The following GRM4 variants were observed in gnomAD, a reference collection of about 807,000 sequenced individuals.
GRM4 encodes the protein glutamate metabotropic receptor 4.
In GRM4, 28 loss-of-function variants were observed where a neutral mutation model predicts 81.7. The ratio of observed to expected loss-of-function variants is 0.34; its 90% CI spans 0.25 to 0.47. The LOEUF (loss-of-function observed/expected upper bound fraction) is 0.47, where lower values mean the gene tolerates loss of function less well. Among genes scored for constraint, GRM4 ranks in the 20% least tolerant of loss-of-function variants. GRM4 has a pLI of 1.00. For synonymous variants in GRM4, 488 were observed against 528.8 expected (o/e 0.92, Z 1.06); for missense variants, 948 against 1,290.0 (o/e 0.73, Z 4.06).
chr6:34,036,984 C>T lies in GRM4; in HGVS notation c.1507-381G>A, dbSNP rs1021596517. 2.6e-5 allele frequency among the ~76,000 whole-genome samples: 4 copies of T among 152,314 alleles called. No individual in the cohort carries two copies. The highest frequency in any genetic ancestry group is 3.4e-3 in the Middle Eastern group (1 of 294). ...TTGCTGCTCACAGTGGTCCCCAGGGCGGCAGCAGCAGCCTCACCCAGGAGC... is the reference window on the plus strand; with the variant it reads ...TTGCTGCTCACAGTGGTCCCCAGGGTGGCAGCAGCAGCCTCACCCAGGAGC... On this transcript the variant is annotated intron_variant, in intron 8 of 10. Coordinates refer to ENST00000538487, the MANE Select transcript of GRM4 (RefSeq NM_000841.4). The surrounding 1 kb of genome is among the most constrained non-coding windows in gnomAD (Gnocchi z 9.0).
chr6:34,074,414 G>C lies in GRM4; in HGVS notation c.737-12386C>G, dbSNP rs1767202397. Among the ~76,000 whole-genome samples, 1 of 152,216 alleles carries C rather than the reference G, an allele frequency of 6.6e-6. No homozygotes were observed. ...GGGTGTGGAGGAGGATGCAGGCCTT[G>C]GAGGACCTGCCAGGGCAGCTGTGAG... is the stretch of plus-strand genomic sequence containing the variant. On this transcript the variant is annotated intron_variant, in intron 3 of 10. Coordinates refer to ENST00000538487, the MANE Select transcript of GRM4 (RefSeq NM_000841.4). This position sits in a 1 kb window ranked among gnomAD's most constrained non-coding sequence, Gnocchi z 4.9.
intron 2 of GRM4, among the ~76,000 whole-genome samples, chr6:34,117,781 C>A (rs1769655351): frequency 6.6e-6 from 1 of 152,198 alleles, no homozygotes; most frequent in South Asian, 2.1e-4. Context: ...GGGCCTCCCA[C>A]CTCCTGCTCC....
intron 2 of GRM4, among the ~76,000 whole-genome samples, chr6:34,103,084 C>T (rs1768925178): frequency 6.6e-6 from 1 of 152,214 alleles, no homozygotes; most frequent in Non-Finnish European, 1.5e-5. Context: ...CCCTGTCCCC[C>T]ACTGACACCC....
chr6:34,047,925 C>T lies in GRM4; in HGVS notation c.1169-7177G>A, dbSNP rs1185367842. Reference sequence around the variant, plus strand: ...GCCACAGGCTCCTTTTGAAGGAAACCATTCTTGCAAACCCTCAAGAATATG... The same window carrying T: ...GCCACAGGCTCCTTTTGAAGGAAACTATTCTTGCAAACCCTCAAGAATATG... On this transcript the variant is annotated intron_variant, in intron 6 of 10. Coordinates refer to ENST00000538487, the MANE Select transcript of GRM4 (RefSeq NM_000841.4). The surrounding 1 kb of genome is among the most constrained non-coding windows in gnomAD (Gnocchi z 4.5). Among the ~76,000 whole-genome samples, 1 of 152,162 alleles carries T rather than the reference C, an allele frequency of 6.6e-6. No homozygotes were observed. The highest frequency in any genetic ancestry group is 6.5e-5 in the Admixed American group (1 of 15,276).
Position 34,069,958 on chromosome 6 carries a change from G to C in GRM4, c.737-7930C>G, listed in dbSNP as rs530805392. ...GGGTCTTTCTGCCTGGGGCCTTACA[G>C]AGCCCAGGACACGTGCGGGGCCTGC... On this transcript the variant is annotated intron_variant, in intron 3 of 10. Coordinates refer to ENST00000538487, the MANE Select transcript of GRM4 (RefSeq NM_000841.4). This position sits in a 1 kb window ranked among gnomAD's most constrained non-coding sequence, Gnocchi z 6.4. Among the ~76,000 whole-genome samples the C allele has an allele frequency of 6.6e-6, 1 of 152,288 alleles. No homozygotes were observed. The highest frequency in any genetic ancestry group is 2.1e-4 in the South Asian group (1 of 4,826).
At chr6:34,105,151 A>T (rs1769057952) in intron 2 of GRM4, among the ~76,000 whole-genome samples, 1 of 152,180 alleles carries the variant, frequency 6.6e-6, no homozygotes, top group African/African-American at 2.4e-5. Context: ...TATTACCATT[A>T]TTGAACACAT....
intron 2 of GRM4, among the ~76,000 whole-genome samples, chr6:34,113,392 T>C (rs1769466541): frequency 6.6e-6 from 1 of 152,220 alleles, no homozygotes; most frequent in Admixed American, 6.5e-5. Context: ...GCTCAAGTGA[T>C]TCTCCCACCT....
rs1199001956 is a variant in GRM4 at position 34,048,235 on chromosome 6, C to G, written c.1169-7487G>C. Among the ~76,000 whole-genome samples, 2 of 152,222 alleles carry G rather than the reference C, an allele frequency of 1.3e-5. No individual in the cohort carries two copies. Among genetic ancestry groups the G allele is most frequent in the Non-Finnish European group, 2.9e-5 (2 of 68,044 alleles). On this transcript the variant is annotated intron_variant, in intron 6 of 10. Coordinates refer to ENST00000538487, the MANE Select transcript of GRM4 (RefSeq NM_000841.4). This position sits in a 1 kb window ranked among gnomAD's most constrained non-coding sequence, Gnocchi z 4.0. ...GTGGGGCCAGCTGGAAACCCCCACT[C>G]AGCCCCTTGCTGGGCCTGGCAAGTC...
chr6:34,070,413 G>A lies in GRM4; in HGVS notation c.737-8385C>T, dbSNP rs952772638. Among the ~76,000 whole-genome samples the A allele has an allele frequency of 1.3e-5, 2 of 152,204 alleles. No individual in the cohort carries two copies. Among genetic ancestry groups the A allele is most frequent in the East Asian group, 3.9e-4 (2 of 5,160 alleles). On this transcript the variant is annotated intron_variant, in intron 3 of 10. Coordinates refer to ENST00000538487, the MANE Select transcript of GRM4 (RefSeq NM_000841.4). This position sits in a 1 kb window ranked among gnomAD's most constrained non-coding sequence, Gnocchi z 4.6. ...GCAAAGGATGAGCAAGTGAAGAAAG[G>A]TGCATGCTGGCTGTGCAAAGGCACC...
rs1282368841 is a variant in GRM4 at position 34,042,431 on chromosome 6, AGGACAT to A, written c.1169-1689_1169-1684del. On this transcript the variant is annotated intron_variant, in intron 6 of 10. Transcript: ENST00000538487. This position sits in a 1 kb window ranked among gnomAD's most constrained non-coding sequence, Gnocchi z 4.2. Reference sequence around the variant, plus strand: ...GGGAGGGGACCAGGGATCTGAAGTGAGGACATGGCAGGAGGATGGCTGGGAGGAGGA... The same window carrying A: ...GGGAGGGGACCAGGGATCTGAAGTGAGGCAGGAGGATGGCTGGGAGGAGGA... Among the ~76,000 whole-genome samples, 1 of 152,196 alleles carries A rather than the reference AGGACAT, an allele frequency of 6.6e-6. No individual in the cohort carries two copies. Among genetic ancestry groups the A allele is most frequent in the African/African-American group, 2.4e-5 (1 of 41,448 alleles).
intron 3 of GRM4, among the ~76,000 whole-genome samples, chr6:34,072,969 CACACAGATACATA>C (rs1767046101): frequency 7.4e-6 from 1 of 134,946 alleles, no homozygotes. Flanking sequence ...CATGCATCAC[CACACAGATACATA>C]CCACACACAC....
chr6:34,139,250 AAAC>A (rs1770584204), intron 1 of GRM4, among the ~76,000 whole-genome samples: 1 of 152,222 alleles, frequency 6.6e-6, no homozygotes, highest in African/African-American at 2.4e-5. Context: ...TGTTCTGCCA[AAAC>A]AACAGGGCCC....
chr6:34,072,569 A>AAC (rs1173329415), intron 3 of GRM4, among the ~76,000 whole-genome samples: 1 of 152,098 alleles, frequency 6.6e-6, no homozygotes, highest in Admixed American at 6.5e-5. Flanking sequence ...ACAGATACAC[A>AAC]ACACACACAC....
chr6:34,072,368 A>G (rs998132463), intron 3 of GRM4, among the ~76,000 whole-genome samples: 1 of 145,130 alleles, frequency 6.9e-6, no homozygotes, highest in Admixed American at 6.9e-5. Flanking sequence ...ACATCCTTAC[A>G]TCACCACACA....
rs1035877783 is a variant in GRM4, at chr6:34,089,833, C to T, written c.736+2050G>A. Among the ~76,000 whole-genome samples, 7 of 152,136 alleles carry T rather than the reference C, an allele frequency of 4.6e-5. No homozygotes were observed. The highest frequency in any genetic ancestry group is 1.0e-4 in the Non-Finnish European group (7 of 68,022). On this transcript the variant is annotated intron_variant, in intron 3 of 10. Coordinates refer to ENST00000538487, the MANE Select transcript of GRM4 (RefSeq NM_000841.4). The surrounding 1 kb of genome is among the most constrained non-coding windows in gnomAD (Gnocchi z 4.3). ...CCCCCATCCCATGCCTCTCCTGTCC[C>T]TCCAGGCTGTGTGTACATGGGTGTG... is the stretch of plus-strand genomic sequence containing the variant.
At chr6:34,127,041 T>C (rs1182101101) in intron 2 of GRM4, among the ~76,000 whole-genome samples, 1 of 152,218 alleles carries the variant, frequency 6.6e-6, no homozygotes, top group African/African-American at 2.4e-5. Context: ...TTGTATTTTG[T>C]TTTTCAACCC....
In GRM4 at chr6:34,022,536, C is replaced by T; in HGVS notation, c.*285G>A. On this transcript the variant is annotated 3_prime_UTR_variant, in exon 11 of 11. Transcript: ENST00000538487. The surrounding 1 kb of genome is among the most constrained non-coding windows in gnomAD (Gnocchi z 5.6). Reference sequence around the variant, plus strand: ...GGGAGAGATCTAGCACTGGGGCCCACACGACCTGAGCCCCTGTGGTTTGGG... The same window carrying T: ...GGGAGAGATCTAGCACTGGGGCCCATACGACCTGAGCCCCTGTGGTTTGGG... 1 of 504,648 alleles carries T rather than the reference C, an allele frequency of 2.0e-6. No homozygotes were observed. The highest frequency in any genetic ancestry group is 3.4e-5 in the East Asian group (1 of 29,012). 31.3% of individuals were successfully genotyped at this position (504,648 alleles called of 1,614,324 possible).
At chr6:34,131,790 G>C (rs2127510512) in intron 2 of GRM4, among the ~76,000 whole-genome samples, 1 of 152,272 alleles carries the variant, frequency 6.6e-6, no homozygotes, top group South Asian at 2.1e-4. Flanking sequence ...GTGCAAAACA[G>C]CCTCTCTCAG....
chr6:34,146,161 C>A (rs138840358), upstream of GRM4: 11,864 of 985,062 alleles, frequency 0.012, 78 homozygotes, highest in Non-Finnish European at 0.014. Context: ...TCCGCGCGCA[C>A]GTGGCGTATG....
Sources: allele counts gnomAD v4.1 joint callset (sites outside exome capture counted in the v4.1 genomes callset), GRCh38; gene constraint gnomAD v4.1.1; non-coding constraint Gnocchi (gnomAD v3.1); transcripts MANE v1.5; gene names NCBI Gene and HGNC (gene_info 2026-07-23, HGNC 2026-07-21).